The following ETV1 variants were observed in gnomAD, a reference collection of about 807,000 sequenced individuals.
The protein encoded by ETV1 is ETS variant transcription factor 1.
In ETV1, 27 loss-of-function variants were observed where a neutral mutation model predicts 62.3. The ratio of observed to expected loss-of-function variants is 0.43; its 90% CI spans 0.32 to 0.60. ETV1 has a LOEUF of 0.60. Ranked by LOEUF, ETV1 falls within the 20% of genes least tolerant of loss-of-function variation. The pLI, the probability that ETV1 is intolerant of heterozygous loss-of-function variation, is 0.06. For missense variants in ETV1, 605 were observed against 605.8 expected (o/e 1.00, Z 0.01); for synonymous variants, 222 against 199.6 (o/e 1.11, Z -0.94).
At chr7:13,957,239 C>T (rs1057480931) in intron 6 of ETV1, among the ~76,000 whole-genome samples, 1 of 152,174 alleles carries the variant, frequency 6.6e-6, no homozygotes, top group East Asian at 1.9e-4. Flanking sequence ...GCGGCCGCCA[C>T]CATGCCCAGC....
chr7:13,975,065 A>G (rs964035186), intron 6 of ETV1: 3 of 152,272 alleles, frequency 2.0e-5, no homozygotes, highest in African/African-American at 7.2e-5. Context: ...TACAGTAGCC[A>G]GTAGCCAGTA....
chr7:13,908,892 T>C (rs2237292), intron 11 of ETV1, among the ~76,000 whole-genome samples: 41,054 of 151,752 alleles, frequency 0.27, 5,712 homozygotes, highest in African/African-American at 0.33. Context: ...AAGCAGGAAA[T>C]ATGAAAACCA....
intron 13 of ETV1, among the ~76,000 whole-genome samples, chr7:13,899,076 C>A (rs1030927185): frequency 1.3e-5 from 2 of 152,178 alleles, no homozygotes; most frequent in African/African-American, 4.8e-5. Context: ...TGGTGAGAGG[C>A]TAGCATTCAA....
At chr7:13,903,591 C>T (rs916806409) in intron 12 of ETV1, among the ~76,000 whole-genome samples, 6 of 151,820 alleles carry the variant, frequency 4.0e-5, no homozygotes, top group East Asian at 2.0e-4. Context: ...AGTGAAACCC[C>T]GTCCCTACTA....
In ETV1 at chr7:13,895,026, AT is replaced by A. The variant is rs1352238455; in HGVS notation, c.*839del. ...ATTTTTTGCTTCATTTTGATTCCAG[AT>A]TTAACATTTAAATGAAGATTCCAAA... On this transcript the variant is annotated 3_prime_UTR_variant, in exon 14 of 14. Transcript: ENST00000430479. The A allele has an allele frequency of 8.6e-6, 2 of 233,198 alleles. No homozygotes were observed. Among genetic ancestry groups the A allele is most frequent in the African/African-American group, 4.4e-5 (2 of 45,328 alleles). 14.4% of individuals were successfully genotyped at this position (233,198 alleles called of 1,614,324 possible).
At chr7:13,920,591 T>A (rs1052896620) in intron 9 of ETV1, among the ~76,000 whole-genome samples, 1 of 152,138 alleles carries the variant, frequency 6.6e-6, no homozygotes, top group African/African-American at 2.4e-5. Context: ...ACTGGTATGA[T>A]TGGTTTAAGA....
chr7:13,907,685 G>A, intron 11 of ETV1: 1 of 314,202 alleles, frequency 3.2e-6, no homozygotes, highest in Non-Finnish European at 6.7e-6. Context: ...TGCATAAATT[G>A]CTCTTCTCCG....
chr7:13,931,712 G>A lies in ETV1; in HGVS notation c.592C>T (p.Pro198Ser), dbSNP rs750183378. 3 of 1,613,910 alleles carry A rather than the reference G, an allele frequency of 1.9e-6. No individual in the cohort carries two copies. The East Asian group carries it at 6.7e-5, about 36-fold the overall frequency. Residue 198 changes from proline (P) to serine (S), a missense_variant, in exon 9 of 14, where the codon CCT becomes TCT. By Grantham distance (74) the Pro-to-Ser change is moderately conservative. Coordinates refer to ENST00000430479, the MANE Select transcript of ETV1 (RefSeq NM_004956.5). ...TCCCTTGGCATCGTCGGCAAAGGAG[G>A]AAAGGAGTTACAGGGTTCAGAAAGC... ...RQLSEPCNSFPPLPTMPREGR... is the reference protein window; with the variant it reads ...RQLSEPCNSFSPLPTMPREGR...
Position 13,989,158 on chromosome 7 carries a change from GC to G in ETV1, c.-87-20del. 1 of 889,402 alleles carries G rather than the reference GC, an allele frequency of 1.1e-6. No individual in the cohort carries two copies. Among genetic ancestry groups the G allele is most frequent in the Non-Finnish European group, 1.7e-6 (1 of 600,274 alleles). 55.1% of individuals were successfully genotyped at this position (889,402 alleles called of 1,614,324 possible). ...TATCAACCTAGAGGGGAACAAGATG[GC>G]TTTTAGGCTTAAAAAAAAATCATGA... is the stretch of plus-strand genomic sequence containing the variant. On this transcript the variant is annotated intron_variant, in intron 2 of 13. Transcript: ENST00000430479.
upstream of ETV1, chr7:13,991,103 G>T (rs1191777443): frequency 6.6e-6 from 1 of 152,122 alleles, no homozygotes; most frequent in Non-Finnish European, 1.5e-5. Context: ...TACTAAATCG[G>T]AGTTCACAAC....
intron 6 of ETV1, among the ~76,000 whole-genome samples, chr7:13,969,176 C>G (rs1780615254): frequency 6.6e-6 from 1 of 152,040 alleles, no homozygotes; most frequent in African/African-American, 2.4e-5. Context: ...TTGGGAAGTT[C>G]CTTCTAAACT....
At chr7:13,924,486 C>T (rs1368961918) in intron 9 of ETV1, among the ~76,000 whole-genome samples, 1 of 152,148 alleles carries the variant, frequency 6.6e-6, no homozygotes, top group Non-Finnish European at 1.5e-5. Flanking sequence ...TATTTTGCTA[C>T]CTCACTGCGG....
intron 6 of ETV1, among the ~76,000 whole-genome samples, chr7:13,973,374 T>A (rs73679055): frequency 6.6e-6 from 1 of 152,266 alleles, no homozygotes; most frequent in East Asian, 1.9e-4. Flanking sequence ...TAGAGATAGA[T>A]CCCTCTGCCC....
intron 6 of ETV1, among the ~76,000 whole-genome samples, chr7:13,950,164 T>C (rs1292223042): frequency 6.6e-6 from 1 of 152,126 alleles, no homozygotes; most frequent in Non-Finnish European, 1.5e-5. Flanking sequence ...GGAATCACAA[T>C]TGGAAGCCCA....
At chr7:13,944,255 G>A (rs1019547153) in intron 6 of ETV1, among the ~76,000 whole-genome samples, 3 of 152,120 alleles carry the variant, frequency 2.0e-5, no homozygotes, top group African/African-American at 7.2e-5. Flanking sequence ...TAGACCGTAT[G>A]GTTTATAAAC....
At chr7:13,961,992 T>G (rs952729207) in intron 6 of ETV1, among the ~76,000 whole-genome samples, 1 of 152,034 alleles carries the variant, frequency 6.6e-6, no homozygotes, top group Non-Finnish European at 1.5e-5. Flanking sequence ...TATTTATGAG[T>G]ATGAAGAAAA....
intron 9 of ETV1, among the ~76,000 whole-genome samples, chr7:13,918,147 C>T (rs1358505517): frequency 6.6e-6 from 1 of 152,010 alleles, no homozygotes; most frequent in Non-Finnish European, 1.5e-5. Context: ...CTCTTGTTTT[C>T]ATCTCTCCTT....
rs1583591052 is a variant in ETV1 at position 13,909,767 on chromosome 7, C to T, written c.872-67G>A. The T allele has an allele frequency of 6.2e-6, 8 of 1,296,606 alleles. No homozygotes were observed. In the East Asian group the frequency reaches 1.8e-4, roughly 30 times the overall value. 80.3% of individuals were successfully genotyped at this position (1,296,606 alleles called of 1,614,324 possible). ...AAGCTCACAAACACTTAAAATATAA[C>T]CATTTAACATAAAAATTGTGATAGA... On this transcript the variant is annotated intron_variant, in intron 10 of 13. Coordinates refer to ENST00000430479, the MANE Select transcript of ETV1 (RefSeq NM_004956.5).
intron 6 of ETV1, among the ~76,000 whole-genome samples, chr7:13,941,902 TAA>T (rs1227257198): frequency 2.0e-4 from 24 of 118,124 alleles, no homozygotes; most frequent in Non-Finnish European, 3.5e-4. Context: ...AATAAATAAA[TAA>T]ATAAAGTAAG....
Sources: gnomAD v4.1 joint callset for allele counts (sites outside exome capture counted in the v4.1 genomes callset) on GRCh38, gnomAD v4.1.1 for gene constraint, MANE v1.5 for transcripts, NCBI Gene and HGNC (gene_info 2026-07-23, HGNC 2026-07-21) for gene names.